The following LYN variants were observed in gnomAD, a reference collection of about 807,000 sequenced individuals.
The protein encoded by LYN is tyrosine-protein kinase Lyn.
In LYN, 12 loss-of-function variants were observed where a neutral mutation model predicts 65.0. The observed-to-expected ratio is 0.18, with a 90% CI of 0.12 to 0.30. The LOEUF (loss-of-function observed/expected upper bound fraction) is 0.30, where lower values mean the gene tolerates loss of function less well. Among genes scored for constraint, LYN ranks in the 10% least tolerant of loss-of-function variants. The pLI is 1.00. For missense variants in LYN, 380 were observed against 623.2 expected (o/e 0.61, Z 4.16); for synonymous variants, 222 against 221.2 (o/e 1.00, Z -0.03).
intron 11 of LYN, among the ~76,000 whole-genome samples, chr8:55,998,903 C>T (rs1411467917): frequency 2.0e-5 from 3 of 152,144 alleles, no homozygotes; most frequent in African/African-American, 7.2e-5. Flanking sequence ...CAAATTAAAA[C>T]ATGAACATTA....
chr8:55,987,514 G>A (rs1253607208), intron 10 of LYN, among the ~76,000 whole-genome samples: 1 of 151,980 alleles, frequency 6.6e-6, no homozygotes, highest in African/African-American at 2.4e-5. Flanking sequence ...TGCAACCTCC[G>A]CTTCCTGGGT....
intron 1 of LYN, among the ~76,000 whole-genome samples, chr8:55,915,060 G>A (rs1430820675): frequency 2.0e-5 from 3 of 152,178 alleles, no homozygotes; most frequent in Admixed American, 2.0e-4. Context: ...AATACTTACT[G>A]TATTAACCAT....
chr8:55,927,763 G>A (rs1806148549), intron 1 of LYN, among the ~76,000 whole-genome samples: 1 of 152,056 alleles, frequency 6.6e-6, no homozygotes. Flanking sequence ...TTGAACCTGG[G>A]AGGCAGAGGT....
intron 12 of LYN, among the ~76,000 whole-genome samples, chr8:56,008,125 A>AAAAAAAAAT (rs762053359): frequency 0.026 from 3,538 of 133,656 alleles, 167 homozygotes; most frequent in African/African-American, 0.099. Flanking sequence ...CCTCAAAAAA[A>AAAAAAAAAT]AAATAAAATA....
At chr8:55,966,979 C>A in intron 9 of LYN, 82 bp downstream of exon 9, 1 of 1,318,122 alleles carries the variant, frequency 7.6e-7, no homozygotes, top group Non-Finnish European at 1.0e-6. Context: ...GGTCACTCAA[C>A]TAGTTTAATT....
chr8:56,003,493 T>C (rs996541984), intron 12 of LYN, among the ~76,000 whole-genome samples: 17 of 152,004 alleles, frequency 1.1e-4, no homozygotes, highest in African/African-American at 4.1e-4. Flanking sequence ...GGCCAAACCC[T>C]GTCTCTACAA....
At chr8:55,999,629 A>G in intron 12 of LYN, 80 bp downstream of exon 12, 1 of 1,353,264 alleles carries the variant, frequency 7.4e-7, no homozygotes, top group African/African-American at 1.4e-5. Context: ...AAAAAGTAAT[A>G]ATTACTTCAT....
chr8:55,984,690 G>A (rs1049448510), intron 10 of LYN, among the ~76,000 whole-genome samples: 4 of 152,230 alleles, frequency 2.6e-5, no homozygotes, highest in Non-Finnish European at 1.5e-5. Context: ...CCCCAGCCCA[G>A]TGGTCACACA....
chr8:55,894,587 C>T (rs192045853), intron 1 of LYN, among the ~76,000 whole-genome samples: 3 of 149,228 alleles, frequency 2.0e-5, no homozygotes, highest in Non-Finnish European at 3.0e-5. Context: ...GGCTGGAGTT[C>T]ATTGGCGCTA....
chr8:55,947,755 G>A (rs761252044), intron 4 of LYN, 32 bp downstream of exon 4: 23 of 1,445,018 alleles, frequency 1.6e-5, no homozygotes, highest in Admixed American at 8.4e-5. Context: ...ACGGCTGCTC[G>A]TTTCCTCAGG....
At position 56,011,617 on chromosome 8, in the gene LYN, A is replaced by C. The variant is rs1022272881; in HGVS notation, c.*1507A>C. 4 of 191,874 alleles carry C rather than the reference A, an allele frequency of 2.1e-5. No homozygotes were observed. The Admixed American group carries it at 2.5e-4, about 12-fold the overall frequency. The allele number at this position is 191,874 out of a possible 1,614,324, so 11.9% of individuals were successfully genotyped here. ...GAATTTGTTTTCAAATAGGCTTAAC[A>C]GGCATCATTAAAATTTCATTCTGTG... On this transcript the variant is annotated 3_prime_UTR_variant, in exon 13 of 13. Transcript: ENST00000519728.
At chr8:55,931,811 C>G (rs1165706885) in intron 1 of LYN, among the ~76,000 whole-genome samples, 1 of 152,136 alleles carries the variant, frequency 6.6e-6, no homozygotes, top group Non-Finnish European at 1.5e-5. Context: ...TCAAATGTTA[C>G]ACCGTACCAG....
intron 1 of LYN, among the ~76,000 whole-genome samples, chr8:55,895,094 A>C (rs1805057387): frequency 6.6e-6 from 1 of 152,208 alleles, no homozygotes; most frequent in Non-Finnish European, 1.5e-5. Flanking sequence ...CTGGGATTAC[A>C]GACGTGAACC....
At chr8:55,972,222 GTTCA>G (rs1807628953) in intron 10 of LYN, among the ~76,000 whole-genome samples, 1 of 152,160 alleles carries the variant, frequency 6.6e-6, no homozygotes, top group South Asian at 2.1e-4. Context: ...CCCTAAGTAT[GTTCA>G]TTCAGCACAA....
intron 1 of LYN, among the ~76,000 whole-genome samples, chr8:55,889,024 T>C (rs1229870970): frequency 1.3e-5 from 2 of 152,140 alleles, no homozygotes; most frequent in Admixed American, 6.6e-5. Flanking sequence ...TCTTTATTTA[T>C]TTGTATGTTT....
intron 1 of LYN, among the ~76,000 whole-genome samples, chr8:55,880,435 C>G (rs74464209): frequency 0.095 from 14,423 of 152,112 alleles, 712 homozygotes; most frequent in African/African-American, 0.11. Flanking sequence ...GGTGAGGGCC[C>G]GAGGGCCGGC....
chr8:55,942,886 T>C (rs1345705123), intron 2 of LYN, among the ~76,000 whole-genome samples: 2 of 152,024 alleles, frequency 1.3e-5, no homozygotes, highest in African/African-American at 4.8e-5. Context: ...TGCTAATGTG[T>C]CTTTTGTTGT....
At chr8:55,895,298 TGAA>T (rs1400078863) in intron 1 of LYN, among the ~76,000 whole-genome samples, 1 of 152,034 alleles carries the variant, frequency 6.6e-6, no homozygotes, top group African/African-American at 2.4e-5. Flanking sequence ...AGTTTCCAAG[TGAA>T]GAAGTGAGTC....
intron 12 of LYN, among the ~76,000 whole-genome samples, chr8:56,003,930 T>TTTG: frequency 1.3e-5 from 1 of 74,524 alleles, no homozygotes; most frequent in African/African-American, 6.7e-5. Flanking sequence ...ATTTTATTCT[T>TTTG]TTTTTTTTTT....
Sources: gnomAD v4.1 joint callset for allele counts (sites outside exome capture counted in the v4.1 genomes callset) on GRCh38, gnomAD v4.1.1 for gene constraint, MANE v1.5 for transcripts, NCBI Gene and HGNC (gene_info 2026-07-23, HGNC 2026-07-21) for gene names.